Variants in CACNA1I observed in about 807,000 individuals in gnomAD.
CACNA1I encodes calcium voltage-gated channel subunit alpha1 I, also known as voltage-dependent T-type calcium channel subunit alpha-1I.
CACNA1I carries 74 observed loss-of-function variants against 201.6 expected under a neutral mutation model. The observed-to-expected ratio is 0.37, with a 90% CI of 0.30 to 0.45. The LOEUF (loss-of-function observed/expected upper bound fraction) is 0.45, where lower values mean the gene tolerates loss of function less well. Ranked by LOEUF, CACNA1I falls within the 20% of genes least tolerant of loss-of-function variation. CACNA1I has a pLI of 1.00. For synonymous variants in CACNA1I, 1,431 were observed against 1,345.2 expected, an observed-to-expected ratio of 1.06 and a Z score of -1.40; for missense variants, 2,346 against 3,138.1, an observed-to-expected ratio of 0.75 and a Z score of 6.03.
Position 39,659,119 on chromosome 22 carries a change from G to GA in CACNA1I, c.2330+4dup, listed in dbSNP as rs772977606. ...ATGCTCTTCATCTTCATCTTCAGGT[G>GA]AGCCTGCCCTGCTGGGGGCCATACC... is the stretch of plus-strand genomic sequence containing the variant. On this transcript the variant is annotated splice_donor_region_variant and intron_variant, in intron 12 of 36. Coordinates refer to ENST00000402142, the MANE Select transcript of CACNA1I (RefSeq NM_021096.4). The surrounding 1 kb of genome is among the most constrained non-coding windows in gnomAD (Gnocchi z 4.3). 2.5e-6 allele frequency: 4 copies of GA among 1,612,100 alleles called. No individual in the cohort carries two copies. Among genetic ancestry groups the GA allele is most frequent in the Non-Finnish European group, 3.4e-6 (4 of 1,179,580 alleles).
At chr22:39,588,024 C>A (rs1027641622) in intron 1 of CACNA1I, among the ~76,000 whole-genome samples, 1 of 152,046 alleles carries the variant, frequency 6.6e-6, no homozygotes, top group African/African-American at 2.4e-5. Context: ...GATCTGCCTG[C>A]CTTGGCCTCC....
rs1268942220 is a variant in CACNA1I, at chr22:39,686,435, C to G, written c.*30C>G. 5 of 1,210,548 alleles carry G rather than the reference C, an allele frequency of 4.1e-6. No homozygotes were observed. Among genetic ancestry groups the G allele is most frequent in the Non-Finnish European group, 5.2e-6 (5 of 967,288 alleles). The allele number at this position is 1,210,548 out of a possible 1,614,324, so 75.0% of individuals were successfully genotyped here. On this transcript the variant is annotated 3_prime_UTR_variant, in exon 37 of 37. Coordinates refer to ENST00000402142, the MANE Select transcript of CACNA1I (RefSeq NM_021096.4). ...CGCAGGGGCCCCCGGCCGCCCACCG[C>G]CCGCCCCGTCTCACCTTCTTTACCT...
chr22:39,686,969 C>T lies in CACNA1I; in HGVS notation c.*564C>T, dbSNP rs772129071. The stretch of plus-strand genomic sequence containing the variant: ...TGTTTTTTTTCCTTTAAAGAAGAAA[C>T]GCTGCTAAGATCCCACGTGGCTCCC... On this transcript the variant is annotated 3_prime_UTR_variant, in exon 37 of 37. Coordinates refer to ENST00000402142, the MANE Select transcript of CACNA1I (RefSeq NM_021096.4). 3 of 151,736 alleles carry T rather than the reference C, an allele frequency of 2.0e-5. No individual in the cohort carries two copies. The highest frequency in any genetic ancestry group is 7.3e-5 in the African/African-American group (3 of 41,318). The allele number at this position is 151,736 out of a possible 1,614,324, so 9.4% of individuals were successfully genotyped here. A position where few individuals can be genotyped will look rare whatever the true frequency, so the allele number is the denominator to read the frequency against.
At position 39,664,942 on chromosome 22, in the gene CACNA1I, C is replaced by T. The variant is rs1935139519; in HGVS notation, c.3851+19C>T. 1.2e-6 allele frequency: 2 copies of T among 1,607,102 alleles called. No individual in the cohort carries two copies. The highest frequency in any genetic ancestry group is 1.1e-5 in the South Asian group (1 of 90,988). The stretch of plus-strand genomic sequence containing the variant: ...CCCTGCGGTGAGGACCCCTCCTGGG[C>T]GGATGGGGGAAAGTGTCATGCACTG... On this transcript the variant is annotated intron_variant, in intron 21 of 36. Transcript: ENST00000402142.
chr22:39,604,660 C>T (rs1007332731), intron 3 of CACNA1I, among the ~76,000 whole-genome samples: 2 of 152,082 alleles, frequency 1.3e-5, no homozygotes, highest in East Asian at 3.9e-4. Context: ...TTACTGCAGC[C>T]TCGCCCTCCC....
rs2146428836 is a variant in CACNA1I at position 39,648,210 on chromosome 22, G to A, written c.1567+284G>A. ...GCAAGCAGAAGAATGCACGCTCAGA[G>A]CTGCCGCCCACCCGTCCTCGGGTGC... is the stretch of plus-strand genomic sequence containing the variant. On this transcript the variant is annotated intron_variant, in intron 9 of 36. Transcript: ENST00000402142. The surrounding 1 kb of genome is among the most constrained non-coding windows in gnomAD (Gnocchi z 5.4). Among the ~76,000 whole-genome samples, 1 of 152,208 alleles carries A rather than the reference G, an allele frequency of 6.6e-6. No individual in the cohort carries two copies. Among genetic ancestry groups the A allele is most frequent in the African/African-American group, 2.4e-5 (1 of 41,546 alleles).
chr22:39,643,591 T>A (rs1934402448), intron 7 of CACNA1I: 3 of 152,710 alleles, frequency 2.0e-5, no homozygotes, highest in Admixed American at 1.3e-4. Context: ...CGAGGTTGGG[T>A]TCTCTGGCTT....
intron 10 of CACNA1I, among the ~76,000 whole-genome samples, chr22:39,656,905 A>G (rs1298007225): frequency 6.6e-6 from 1 of 152,118 alleles, no homozygotes; most frequent in Admixed American, 6.6e-5. Context: ...TCAGGCAGGG[A>G]TGACCTGGCA....
chr22:39,639,019 T>G (rs1439076618), intron 5 of CACNA1I, among the ~76,000 whole-genome samples: 1 of 152,218 alleles, frequency 6.6e-6, no homozygotes, highest in Non-Finnish European at 1.5e-5. Flanking sequence ...GCCCCGGGGT[T>G]TGGGGACCCC....
At chr22:39,664,626 CTCCCCGAAGCCGATCAGGCCTCG>C in intron 20 of CACNA1I, 90 bp from the exon 21 acceptor site, 3 of 457,528 alleles carry the variant, frequency 6.6e-6, no homozygotes, top group South Asian at 2.1e-5. Flanking sequence ...ACCCCGCCCC[CTCCCCGAAGCCGATCAGGCCTCG>C]CCCCGCCCCC....
At chr22:39,683,134 C>T (rs1935752727) in intron 35 of CACNA1I, among the ~76,000 whole-genome samples, 1 of 152,208 alleles carries the variant, frequency 6.6e-6, no homozygotes, top group Admixed American at 6.5e-5. Context: ...TATCCTTCAG[C>T]CCTACCTGCA....
intron 1 of CACNA1I, among the ~76,000 whole-genome samples, chr22:39,575,154 C>T (rs1387684119): frequency 6.6e-6 from 1 of 152,268 alleles, no homozygotes; most frequent in Non-Finnish European, 1.5e-5. Flanking sequence ...TTCGAAATGT[C>T]AGGGGATACA....
chr22:39,668,397 A>T lies in CACNA1I; in HGVS notation c.4194+16A>T. ...GGACCAGCAGGTGGGTGTAGCTGGG[A>T]CCAGGCCAAGCCTTGATGCAGGGAG... On this transcript the variant is annotated intron_variant, in intron 24 of 36. Coordinates refer to ENST00000402142, the MANE Select transcript of CACNA1I (RefSeq NM_021096.4). 2 of 1,564,902 alleles carry T rather than the reference A, an allele frequency of 1.3e-6. No homozygotes were observed. The highest frequency in any genetic ancestry group is 1.8e-6 in the Non-Finnish European group (2 of 1,135,456).
chr22:39,687,921 C>G lies in CACNA1I; in HGVS notation c.*1516C>G, dbSNP rs190251963. 4 of 152,308 alleles carry G rather than the reference C, an allele frequency of 2.6e-5. No individual in the cohort carries two copies. The highest frequency in any genetic ancestry group is 5.9e-5 in the Non-Finnish European group (4 of 68,028). The allele number at this position is 152,308 out of a possible 1,614,324, so 9.4% of individuals were successfully genotyped here. ...TGATCTGGAGAGGCTGCAGGGGCCA[C>G]GAGTTTGCAGATGCTGTACTTCAGC... On this transcript the variant is annotated 3_prime_UTR_variant, in exon 37 of 37. Coordinates refer to ENST00000402142, the MANE Select transcript of CACNA1I (RefSeq NM_021096.4).
Position 39,641,116 on chromosome 22 carries a change from C to T in CACNA1I, c.990C>T (p.Ser330=), listed in dbSNP as rs552387846. ...ACTACAATGTGTGCCGCACGGGCAG[C>T]GCCAACCCCCACAAGGGTGCCATCA... The part of the protein sequence containing the change: ...NRYYNVCRTG[S]ANPHKGAINF... Residue 330 remains serine, a synonymous_variant, in exon 6 of 37, where the codon AGC becomes AGT. Transcript: ENST00000402142. The T allele has an allele frequency of 1.2e-4, 196 of 1,614,016 alleles. No homozygotes were observed. The highest frequency in any genetic ancestry group is 3.4e-4 in the South Asian group (31 of 91,090).
chr22:39,588,092 T>C (rs1330015890), intron 1 of CACNA1I, among the ~76,000 whole-genome samples: 1 of 150,384 alleles, frequency 6.6e-6, no homozygotes, highest in African/African-American at 2.4e-5. Context: ...TTTTTAATAG[T>C]TGCATTTTTG....
At chr22:39,640,139 A>G (rs2146418684) in intron 5 of CACNA1I, among the ~76,000 whole-genome samples, 1 of 152,348 alleles carries the variant, frequency 6.6e-6, no homozygotes, top group Admixed American at 6.5e-5. Context: ...CTGTAATCCC[A>G]GCACTTTGGG....
At chr22:39,650,662 C>T (rs888815720) in intron 10 of CACNA1I, among the ~76,000 whole-genome samples, 6 of 152,256 alleles carry the variant, frequency 3.9e-5, no homozygotes, top group African/African-American at 1.4e-4. Flanking sequence ...CCAGTGACTC[C>T]ACCCCATACA....
Position 39,686,654 on chromosome 22 carries a change from G to GCA in CACNA1I, c.*249_*250insCA, listed in dbSNP as rs1935897525. ...TATATATATATATATATATATATAT[G>GCA]TGTATACACACACACATAGACAGAC... On this transcript the variant is annotated 3_prime_UTR_variant, in exon 37 of 37. Transcript: ENST00000402142. The GCA allele has an allele frequency of 9.8e-6, 1 of 102,254 alleles. No homozygotes were observed. The highest frequency in any genetic ancestry group is 3.4e-4 in the South Asian group (1 of 2,970). The allele number at this position is 102,254 out of a possible 1,614,324, so 6.3% of individuals were successfully genotyped here.
Sources: allele counts gnomAD v4.1 joint callset (sites outside exome capture counted in the v4.1 genomes callset), GRCh38; gene constraint gnomAD v4.1.1; non-coding constraint Gnocchi (gnomAD v3.1); transcripts MANE v1.5; gene names NCBI Gene and HGNC (gene_info 2026-07-23, HGNC 2026-07-21).